The following SEPTIN3 variants were observed in gnomAD, a reference collection of about 807,000 sequenced individuals.
SEPTIN3 encodes neuronal-specific septin-3.
In SEPTIN3, 15 loss-of-function variants were observed where a neutral mutation model predicts 45.1. The observed-to-expected ratio is 0.33, with a 90% CI of 0.22 to 0.51. The LOEUF is 0.51. Among genes scored for constraint, SEPTIN3 ranks in the 20% least tolerant of loss-of-function variants. The probability of loss-of-function intolerance (pLI) is 0.97; values close to 1 mark genes in which losing one functional copy is unlikely to be tolerated. For missense variants in SEPTIN3, 289 were observed against 457.2 expected, an observed-to-expected ratio of 0.63 and a Z score of 3.35; for synonymous variants, 148 against 164.8, an observed-to-expected ratio of 0.90 and a Z score of 0.78.
chr22:41,989,714 T>C, intron 7 of SEPTIN3, 30 bp downstream of exon 7: 1 of 1,404,662 alleles, frequency 7.1e-7, no homozygotes, highest in Non-Finnish European at 1.0e-6. Flanking sequence ...TCTTTTCCTG[T>C]TCCCATCCCC....
Position 41,994,844 on chromosome 22 carries a change from T to C in SEPTIN3, c.2505+130T>C. On this transcript the variant is annotated intron_variant, in intron 11 of 11. Coordinates refer to ENST00000644076, the MANE Select transcript of SEPTIN3 (RefSeq NM_001363845.2). This position sits in a 1 kb window ranked among gnomAD's most constrained non-coding sequence, Gnocchi z 4.2. ...CCAACCACCTTCTTCCTCTCAACTC[T>C]GTCCCACAGGCCTGTCTGGTATTTG... is the stretch of plus-strand genomic sequence containing the variant. 6.3e-7 allele frequency: 1 copy of C among 1,590,300 alleles called. No homozygotes were observed. Among genetic ancestry groups the C allele is most frequent in the East Asian group, 2.3e-5 (1 of 44,126 alleles).
In SEPTIN3 at chr22:41,992,737, G is replaced by A. The variant is rs1231090079; in HGVS notation, c.2333G>A (p.Arg778Gln). 1.2e-6 allele frequency: 2 copies of A among 1,611,184 alleles called. No individual in the cohort carries two copies. The highest frequency in any genetic ancestry group is 8.5e-7 in the Non-Finnish European group (1 of 1,178,664). ...GTGAATGGCAAGAGGGTCCTCGGCC[G>A]AAAAACTCCATGGGGGATCATCGAA... Reference protein sequence around the residue: ...YQVNGKRVLGRKTPWGIIEVE... With the variant: ...YQVNGKRVLGQKTPWGIIEVE... Residue 778 changes from arginine (R) to glutamine (Q), a missense_variant, in exon 9 of 12, where the codon CGA (arginine) becomes CAA (glutamine). Transcript: ENST00000644076.
chr22:41,991,103 C>A (rs896202785), intron 7 of SEPTIN3, among the ~76,000 whole-genome samples: 14 of 61,902 alleles, frequency 2.3e-4, no homozygotes, highest in African/African-American at 7.6e-4. Flanking sequence ...AACTTATAAT[C>A]AAATAGAAAA....
intron 1 of SEPTIN3, among the ~76,000 whole-genome samples, chr22:41,970,428 CAG>C (rs914853254): frequency 6.6e-6 from 1 of 152,308 alleles, no homozygotes; most frequent in African/African-American, 2.4e-5. Context: ...GCCCACGGAG[CAG>C]AGAGTTTCAA....
chr22:41,990,745 C>CAAAA (rs71184855), intron 7 of SEPTIN3, among the ~76,000 whole-genome samples: 20 of 96,520 alleles, frequency 2.1e-4, no homozygotes, highest in Non-Finnish European at 2.5e-4. Context: ...CACTCTATCT[C>CAAAA]AAAAAAAAAA....
Position 41,994,662 on chromosome 22 carries a change from A to G in SEPTIN3, c.2453A>G (p.His818Arg). Residue 818 changes from histidine (H) to arginine (R), a missense_variant, in exon 11 of 12, where the codon CAC becomes CGC. By Grantham distance (29) the His-to-Arg change is conservative. Coordinates refer to ENST00000644076, the MANE Select transcript of SEPTIN3 (RefSeq NM_001363845.2). This position sits in a 1 kb window ranked among gnomAD's most constrained non-coding sequence, Gnocchi z 4.2. ...CTCAAGGAAGTGACACACAACATCCACTATGAGACTTACAGGGCCAAGCGG... is the reference window on the plus strand; with the variant it reads ...CTCAAGGAAGTGACACACAACATCCGCTATGAGACTTACAGGGCCAAGCGG... Reference protein sequence around the residue: ...QDLKEVTHNIHYETYRAKRLN... With the variant: ...QDLKEVTHNIRYETYRAKRLN... 2 of 1,614,156 alleles carry G rather than the reference A, an allele frequency of 1.2e-6. No individual in the cohort carries two copies. Among genetic ancestry groups the G allele is most frequent in the Non-Finnish European group, 1.7e-6 (2 of 1,180,022 alleles).
At chr22:41,973,871 C>T (rs1269759017) in intron 2 of SEPTIN3, among the ~76,000 whole-genome samples, 3 of 151,934 alleles carry the variant, frequency 2.0e-5, no homozygotes, top group African/African-American at 7.3e-5. Flanking sequence ...GTCCCAGCTA[C>T]TTGGGAGGCT....
At chr22:41,974,658 G>A (rs377588246) in intron 2 of SEPTIN3, among the ~76,000 whole-genome samples, 21 of 133,354 alleles carry the variant, frequency 1.6e-4, no homozygotes, top group South Asian at 7.0e-4. Context: ...GTGAGACTCC[G>A]TCTCAAAAAA....
At position 41,997,103 on chromosome 22, in the gene SEPTIN3, C is replaced by G; in HGVS notation, c.*136C>G. 1 of 1,508,096 alleles carries G rather than the reference C, an allele frequency of 6.6e-7. No individual in the cohort carries two copies. Among genetic ancestry groups the G allele is most frequent in the Non-Finnish European group, 8.9e-7 (1 of 1,125,170 alleles). 93.4% of individuals were successfully genotyped at this position (1,508,096 alleles called of 1,614,324 possible). ...GCCCTCAGTAGGTGGGAGGGGCCAGCTGCCTCTTTAGGCCAGTTGCATCCT... is the reference window on the plus strand; with the variant it reads ...GCCCTCAGTAGGTGGGAGGGGCCAGGTGCCTCTTTAGGCCAGTTGCATCCT... On this transcript the variant is annotated 3_prime_UTR_variant, in exon 12 of 12. Coordinates refer to ENST00000644076, the MANE Select transcript of SEPTIN3 (RefSeq NM_001363845.2).
intron 2 of SEPTIN3, chr22:41,981,336 C>T (rs1249419928): frequency 3.2e-6 from 1 of 316,406 alleles, no homozygotes; most frequent in South Asian, 1.1e-4. Flanking sequence ...ATGGAGCAGC[C>T]CCTGGGTTAG....
chr22:41,981,522 CT>C, intron 2 of SEPTIN3, 122 bp from the exon 3 acceptor site: 2 of 749,330 alleles, frequency 2.7e-6, no homozygotes, highest in Non-Finnish European at 4.3e-6. Flanking sequence ...CTGGATGATA[CT>C]AAGATCCCTT....
At position 41,971,725 on chromosome 22, in the gene SEPTIN3, G is replaced by C. The variant is rs1036671699; in HGVS notation, c.233G>C (p.Arg78Pro). 5.0e-6 allele frequency: 2 copies of C among 399,154 alleles called. No individual in the cohort carries two copies. Among genetic ancestry groups the C allele is most frequent in the Admixed American group, 8.8e-5 (2 of 22,728 alleles). The allele number at this position is 399,154 out of a possible 1,614,324, so 24.7% of individuals were successfully genotyped here. A position where few individuals can be genotyped will look rare whatever the true frequency, so the allele number is the denominator to read the frequency against. The stretch of plus-strand genomic sequence containing the variant: ...CGGCTGGGCCTTGGAGCCAGGACCC[G>C]GAGTGTGCCCCCACAGGAGACGGGC... ...SSRLGLGARTRSVPPQETGIA... is the reference protein window; with the variant it reads ...SSRLGLGARTPSVPPQETGIA... Residue 78 changes from arginine (R) to proline (P), a missense_variant, in exon 2 of 12, where the codon CGG becomes CCG. Transcript: ENST00000644076.
chr22:41,990,109 C>T (rs1228017545), intron 7 of SEPTIN3, among the ~76,000 whole-genome samples: 3 of 150,948 alleles, frequency 2.0e-5, no homozygotes, highest in Non-Finnish European at 4.4e-5. Flanking sequence ...GGCGTGATCT[C>T]GGCTCACTGC....
chr22:41,971,092 G>A (rs1034626656), intron 1 of SEPTIN3, among the ~76,000 whole-genome samples: 1 of 152,112 alleles, frequency 6.6e-6, no homozygotes, highest in African/African-American at 2.4e-5. Context: ...CCCTCCTCTG[G>A]AGTCCCTGAA....
intron 2 of SEPTIN3, among the ~76,000 whole-genome samples, chr22:41,974,771 C>T (rs887553565): frequency 1.4e-5 from 2 of 144,514 alleles, no homozygotes; most frequent in Non-Finnish European, 3.0e-5. Flanking sequence ...CAGAGAATTG[C>T]TTGAACCCGG....
intron 4 of SEPTIN3, 47 bp from the exon 5 acceptor site, chr22:41,987,159 T>G: frequency 6.8e-7 from 1 of 1,476,630 alleles, no homozygotes; most frequent in East Asian, 2.3e-5. Flanking sequence ...GTACCTGGGG[T>G]CAGCTGTAGG....
chr22:41,996,478 C>T (rs1403505551), intron 11 of SEPTIN3: 1 of 992,686 alleles, frequency 1.0e-6, no homozygotes, highest in African/African-American at 1.7e-5. Context: ...GGAAAAAAAA[C>T]ATAGACTCAA....
At chr22:41,991,018 C>T (rs1259495120) in intron 7 of SEPTIN3, among the ~76,000 whole-genome samples, 1 of 152,120 alleles carries the variant, frequency 6.6e-6, no homozygotes, top group Non-Finnish European at 1.5e-5. Context: ...GAGCCAAGAT[C>T]GCACCACGGT....
intron 2 of SEPTIN3, among the ~76,000 whole-genome samples, chr22:41,973,211 C>T (rs2077977308): frequency 6.6e-6 from 1 of 152,042 alleles, no homozygotes; most frequent in Non-Finnish European, 1.5e-5. Context: ...TGAGGTCAGG[C>T]TGAGGGAAAC....
Sources: allele counts gnomAD v4.1 joint callset (sites outside exome capture counted in the v4.1 genomes callset), GRCh38; gene constraint gnomAD v4.1.1; non-coding constraint Gnocchi (gnomAD v3.1); transcripts MANE v1.5; gene names NCBI Gene and HGNC (gene_info 2026-07-23, HGNC 2026-07-21).